Variants in SPTB observed in about 807,000 individuals in gnomAD.
SPTB encodes the protein spectrin beta, erythrocytic.
In SPTB, 45 loss-of-function variants were observed where a neutral mutation model predicts 256.2. That is an observed-to-expected ratio of 0.18 (90% CI 0.14 to 0.23). The LOEUF (loss-of-function observed/expected upper bound fraction) is 0.23, where lower values mean the gene tolerates loss of function less well. Ranked by LOEUF, SPTB falls within the 10% of genes least tolerant of loss-of-function variation. The pLI, the probability that SPTB is intolerant of heterozygous loss-of-function variation, is 1.00. For synonymous variants in SPTB, 1,231 were observed against 1,243.1 expected, an observed-to-expected ratio of 0.99 and a Z score of 0.21; for missense variants, 2,715 against 3,040.4, an observed-to-expected ratio of 0.89 and a Z score of 2.52.
In SPTB at chr14:64,876,917, G is replaced by C. The variant is rs572497254; in HGVS notation, c.-52+2875C>G. Among the ~76,000 whole-genome samples the C allele has an allele frequency of 2.6e-5, 4 of 152,298 alleles. No individual in the cohort carries two copies. The East Asian group carries it at 7.7e-4, about 29-fold the overall frequency. ...AAGAAATGAACTCGAGTAATAAGAA[G>C]TGTGGGTGCCATAGCTACACATCAA... On this transcript the variant is annotated intron_variant, in intron 1 of 35. Transcript: ENST00000644917.
At chr14:64,767,930 G>A in intron 29 of SPTB, 71 bp from the exon 30 acceptor site, 2 of 1,561,318 alleles carry the variant, frequency 1.3e-6, no homozygotes, top group East Asian at 4.6e-5. Flanking sequence ...GTTCACTCCT[G>A]ATTGGGGCCA....
chr14:64,846,188 C>T (rs990213411), intron 1 of SPTB, among the ~76,000 whole-genome samples: 1 of 152,194 alleles, frequency 6.6e-6, no homozygotes, highest in African/African-American at 2.4e-5. Flanking sequence ...AGCCCGATCT[C>T]AACAACAGAA....
At chr14:64,752,543 G>C (rs766108466) in intron 33 of SPTB, among the ~76,000 whole-genome samples, 14 of 152,160 alleles carry the variant, frequency 9.2e-5, no homozygotes, top group Non-Finnish European at 1.5e-4. Flanking sequence ...TAACCTTTCC[G>C]AGACTCTGTT....
Position 64,749,309 on chromosome 14 carries a change from C to G in SPTB, c.6984G>C (p.Lys2328Asn). The change falls in exon 36 of 36, where the codon AAG (lysine) becomes AAC (asparagine). Residue 2328 changes from lysine (K) to asparagine (N), a missense_variant. Physicochemically the swap from Lys to Asn is moderately conservative, Grantham distance 94. Around this residue, in one of 4 missense-constraint regions of SPTB, gnomAD observed 2,239 missense variants for 2,384.4 expected, o/e 0.94. Coordinates refer to ENST00000644917, the MANE Select transcript of SPTB (RefSeq NM_001355436.2). The surrounding 1 kb of genome is among the most constrained non-coding windows in gnomAD (Gnocchi z 4.7). ...CCGCGCCCGCCAGCCCCACCTGCTACTTCTTTTTGGGGAAGAAGCTGAATC... is the reference window on the plus strand; with the variant it reads ...CCGCGCCCGCCAGCCCCACCTGCTAGTTCTTTTTGGGGAAGAAGCTGAATC... ...EKRFSFFPKK[K>N] The G allele has an allele frequency of 1.2e-6, 2 of 1,601,500 alleles. No individual in the cohort carries two copies. The highest frequency in any genetic ancestry group is 1.7e-6 in the Non-Finnish European group (2 of 1,175,776).
intron 1 of SPTB, among the ~76,000 whole-genome samples, chr14:64,832,470 T>C (rs1432477848): frequency 2.0e-5 from 3 of 152,308 alleles, no homozygotes; most frequent in African/African-American, 7.2e-5. Flanking sequence ...CCAAGTTATC[T>C]CCTGGGCCCC....
chr14:64,864,190 C>A (rs113919202), intron 1 of SPTB, among the ~76,000 whole-genome samples: 1 of 152,156 alleles, frequency 6.6e-6, no homozygotes, highest in Non-Finnish European at 1.5e-5. Context: ...GGCATGGTAG[C>A]TCATGCCTGT....
intron 10 of SPTB, among the ~76,000 whole-genome samples, chr14:64,797,131 C>T (rs1239174636): frequency 6.6e-6 from 1 of 152,104 alleles, no homozygotes; most frequent in Non-Finnish European, 1.5e-5. Context: ...TCTTCAAAGA[C>T]AAACTCAAGG....
At position 64,758,237 on chromosome 14, in the gene SPTB, T is replaced by G. The variant is rs893113402; in HGVS notation, c.6346-4444A>C. Among the ~76,000 whole-genome samples, 1 of 152,228 alleles carries G rather than the reference T, an allele frequency of 6.6e-6. No homozygotes were observed. The highest frequency in any genetic ancestry group is 6.5e-5 in the Admixed American group (1 of 15,290). On this transcript the variant is annotated intron_variant, in intron 32 of 35. Transcript: ENST00000644917. This position sits in a 1 kb window ranked among gnomAD's most constrained non-coding sequence, Gnocchi z 4.6. The stretch of plus-strand genomic sequence containing the variant: ...TGTAAGGATCTCAAAAACCCTCTTG[T>G]TCCTGGAGTAGCAGATGCTCAGGAC...
chr14:64,847,963 C>T lies in SPTB; in HGVS notation c.-51-24818G>A, dbSNP rs76022163. Among the ~76,000 whole-genome samples the T allele has an allele frequency of 7.3e-3, 1,112 of 152,280 alleles. 17 individuals are homozygous for T. Among genetic ancestry groups the T allele is most frequent in the African/African-American group, 0.025 (1,057 of 41,544 alleles). On this transcript the variant is annotated intron_variant, in intron 1 of 35. Coordinates refer to ENST00000644917, the MANE Select transcript of SPTB (RefSeq NM_001355436.2). The surrounding 1 kb of genome is among the most constrained non-coding windows in gnomAD (Gnocchi z 5.9). The stretch of plus-strand genomic sequence containing the variant: ...CCTTCACCTGTGAATGCCTTCATCC[C>T]TCTCATCTGTATCCTCATATTTATG...
rs749781587 is a variant in SPTB at position 64,791,852 on chromosome 14, C to T, written c.2671G>A (p.Asp891Asn). 23 of 1,614,020 alleles carry T rather than the reference C, an allele frequency of 1.4e-5. No homozygotes were observed. Among genetic ancestry groups the T allele is most frequent in the East Asian group, 6.7e-5 (3 of 44,892 alleles). Residue 891 changes from aspartate (D) to asparagine (N), a missense_variant, in exon 15 of 36, where the codon GAC becomes AAC. Asp to Asn is a conservative substitution (Grantham distance 23). Around this residue, in one of 4 missense-constraint regions of SPTB, gnomAD observed 2,239 missense variants for 2,384.4 expected, o/e 0.94. Coordinates refer to ENST00000644917, the MANE Select transcript of SPTB (RefSeq NM_001355436.2). Reference protein sequence around the residue: ...EDLEVVQHRFDILDQEMKTLM... With the variant: ...EDLEVVQHRFNILDQEMKTLM... ...GTCTTCATCTCCTGGTCCAGGATGT[C>T]GAACCTGATATGGGCAAAGGAAAAT... is the stretch of plus-strand genomic sequence containing the variant.
In SPTB at chr14:64,775,521, G is replaced by A. The variant is rs1456643380; in HGVS notation, c.4564-118C>T. The A allele has an allele frequency of 8.2e-6, 11 of 1,346,430 alleles. No individual in the cohort carries two copies. Among genetic ancestry groups the A allele is most frequent in the South Asian group, 2.9e-5 (2 of 68,290 alleles). The allele number at this position is 1,346,430 out of a possible 1,614,324, so 83.4% of individuals were successfully genotyped here. A position where few individuals can be genotyped will look rare whatever the true frequency, so the allele number is the denominator to read the frequency against. ...CCCTCTCACCCCCGTTGCTAGAGCA[G>A]AGCAGGTGATGGCGATAAGAACTAC... On this transcript the variant is annotated intron_variant, in intron 22 of 35. Coordinates refer to ENST00000644917, the MANE Select transcript of SPTB (RefSeq NM_001355436.2). This position sits in a 1 kb window ranked among gnomAD's most constrained non-coding sequence, Gnocchi z 5.0.
chr14:64,802,377 T>C lies in SPTB; in HGVS notation c.475-60A>G. ...ATGTGCATCTGGATCTGTGCTTTCC[T>C]GCCGTCCCTGGGAGGCTCCCTCCCT... On this transcript the variant is annotated intron_variant, in intron 4 of 35. Transcript: ENST00000644917. The surrounding 1 kb of genome is among the most constrained non-coding windows in gnomAD (Gnocchi z 5.1). 6.5e-7 allele frequency: 1 copy of C among 1,538,668 alleles called. No homozygotes were observed. Among genetic ancestry groups the C allele is most frequent in the Non-Finnish European group, 8.9e-7 (1 of 1,118,982 alleles).
intron 29 of SPTB, 138 bp from the exon 30 acceptor site, chr14:64,767,997 C>G (rs548285760): frequency 1.1e-6 from 1 of 887,022 alleles, no homozygotes; most frequent in African/African-American, 1.7e-5. Context: ...ACGCTTGCTG[C>G]CTGCAGCCAC....
chr14:64,842,775 T>C (rs1212724833), intron 1 of SPTB, among the ~76,000 whole-genome samples: 1 of 152,122 alleles, frequency 6.6e-6, no homozygotes, highest in Non-Finnish European at 1.5e-5. Flanking sequence ...CCTCTACTTG[T>C]GGCACTTAAA....
intron 3 of SPTB, 110 bp from the exon 4 acceptor site, chr14:64,803,890 C>G: frequency 8.6e-7 from 1 of 1,164,556 alleles, no homozygotes; most frequent in Non-Finnish European, 1.2e-6. Flanking sequence ...CCCTCTTGGC[C>G]AAACACCAAG....
At chr14:64,804,570 A>G (rs565280242) in intron 3 of SPTB, among the ~76,000 whole-genome samples, 1 of 152,288 alleles carries the variant, frequency 6.6e-6, no homozygotes, top group African/African-American at 2.4e-5. Flanking sequence ...GGGTGGTAAA[A>G]CACACAGTAA....
Position 64,823,119 on chromosome 14 carries a change from C to T in SPTB, c.-25G>A. The T allele has an allele frequency of 6.2e-7, 1 of 1,614,056 alleles. No individual in the cohort carries two copies. Among genetic ancestry groups the T allele is most frequent in the Non-Finnish European group, 8.5e-7 (1 of 1,179,984 alleles). On this transcript the variant is annotated 5_prime_UTR_variant, in exon 2 of 36. Transcript: ENST00000644917. The surrounding 1 kb of genome is among the most constrained non-coding windows in gnomAD (Gnocchi z 6.5). ...TGTCAGCAGGCTCTTAGCAGCTCCGCCTGCCTCAGTCTTCATGGAAGGATC... is the reference window on the plus strand; with the variant it reads ...TGTCAGCAGGCTCTTAGCAGCTCCGTCTGCCTCAGTCTTCATGGAAGGATC...
intron 2 of SPTB, among the ~76,000 whole-genome samples, chr14:64,810,055 T>G (rs942852909): frequency 2.6e-5 from 4 of 152,162 alleles, no homozygotes; most frequent in Admixed American, 2.6e-4. Flanking sequence ...AATAGGAATA[T>G]TCCAAAAAAT....
chr14:64,760,016 G>A lies in SPTB; in HGVS notation c.6346-6223C>T, dbSNP rs1407966860. Reference sequence around the variant, plus strand: ...GATCATGACATCAGAGGAGGGCAGGGGACAAGCAGCATTGGTTGCTGGTTG... The same window carrying A: ...GATCATGACATCAGAGGAGGGCAGGAGACAAGCAGCATTGGTTGCTGGTTG... On this transcript the variant is annotated intron_variant, in intron 32 of 35. Coordinates refer to ENST00000644917, the MANE Select transcript of SPTB (RefSeq NM_001355436.2). The surrounding 1 kb of genome is among the most constrained non-coding windows in gnomAD (Gnocchi z 4.3). Among the ~76,000 whole-genome samples the A allele has an allele frequency of 6.6e-6, 1 of 152,134 alleles. No homozygotes were observed. The highest frequency in any genetic ancestry group is 1.5e-5 in the Non-Finnish European group (1 of 68,038).
Sources: allele counts gnomAD v4.1 joint callset (sites outside exome capture counted in the v4.1 genomes callset), GRCh38; gene constraint gnomAD v4.1.1; regional missense constraint gnomAD v4.1.1; non-coding constraint Gnocchi (gnomAD v3.1); transcripts MANE v1.5; gene names NCBI Gene and HGNC (gene_info 2026-07-23, HGNC 2026-07-21).